Variants in DLG2 observed in about 807,000 individuals in gnomAD.
The protein encoded by DLG2 is disks large homolog 2.
DLG2 carries 45 observed loss-of-function variants against 132.5 expected under a neutral mutation model. That is an observed-to-expected ratio of 0.34 (90% confidence interval 0.27 to 0.44). The LOEUF is 0.44. Among genes scored for constraint, DLG2 ranks in the 20% least tolerant of loss-of-function variants. DLG2 has a pLI of 1.00. For missense variants in DLG2, 1,045 were observed against 1,196.9 expected (o/e 0.87, Z 1.87); for synonymous variants, 424 against 419.6 (o/e 1.01, Z -0.13).
chr11:84,016,321 T>C (rs1196130638), intron 11 of DLG2, among the ~76,000 whole-genome samples: 1 of 152,284 alleles, frequency 6.6e-6, no homozygotes, highest in East Asian at 1.9e-4. Flanking sequence ...TCTCCTATTC[T>C]GTAGGTTGTC....
chr11:85,036,576 T>C (rs145719322), intron 6 of DLG2, among the ~76,000 whole-genome samples: 3 of 152,342 alleles, frequency 2.0e-5, no homozygotes, highest in Non-Finnish European at 2.9e-5. Context: ...TCATATAGCA[T>C]AAACAGAGAA....
intron 5 of DLG2, among the ~76,000 whole-genome samples, chr11:85,141,886 C>T (rs2076506222): frequency 6.6e-6 from 1 of 151,538 alleles, no homozygotes. Context: ...TTTATTTTTG[C>T]ATTCTCTATT....
chr11:84,278,931 A>T (rs2154369091), intron 7 of DLG2, among the ~76,000 whole-genome samples: 1 of 152,264 alleles, frequency 6.6e-6, no homozygotes, highest in South Asian at 2.1e-4. Flanking sequence ...CGTCACAAAA[A>T]CACCAAAAGT....
chr11:84,050,894 A>G (rs1449721063), intron 11 of DLG2, among the ~76,000 whole-genome samples: 2 of 152,000 alleles, frequency 1.3e-5, no homozygotes, highest in African/African-American at 4.8e-5. Flanking sequence ...TTTTGGTACC[A>G]GTACCATGCT....
At chr11:84,278,054 T>G (rs922095774) in intron 7 of DLG2, among the ~76,000 whole-genome samples, 10 of 146,946 alleles carry the variant, frequency 6.8e-5, no homozygotes, top group Non-Finnish European at 1.2e-4. Flanking sequence ...TAAGTTTTTT[T>G]TTTTTTTTTT....
At chr11:85,265,791 G>A (rs1205435088) in intron 4 of DLG2, among the ~76,000 whole-genome samples, 1 of 152,170 alleles carries the variant, frequency 6.6e-6, no homozygotes, top group Admixed American at 6.5e-5. Context: ...TCAGAGAGAG[G>A]CAACTTGACT....
At chr11:85,554,111 T>C (rs2076810224) in intron 3 of DLG2, among the ~76,000 whole-genome samples, 1 of 150,662 alleles carries the variant, frequency 6.6e-6, no homozygotes, top group Non-Finnish European at 1.5e-5. Context: ...AAGAAGTTTT[T>C]AAAAGGACAA....
chr11:84,843,010 G>T (rs1005876263), intron 6 of DLG2, among the ~76,000 whole-genome samples: 6 of 151,812 alleles, frequency 4.0e-5, no homozygotes, highest in Non-Finnish European at 5.9e-5. Flanking sequence ...TGTTCAATGG[G>T]TATAAAGTTT....
At chr11:84,603,697 A>T (rs1231267432) in intron 6 of DLG2, among the ~76,000 whole-genome samples, 1 of 151,938 alleles carries the variant, frequency 6.6e-6, no homozygotes, top group African/African-American at 2.4e-5. Context: ...CTATCTTCTT[A>T]GTTCTCACAA....
At chr11:83,662,818 A>G (rs1265451396) in intron 18 of DLG2, among the ~76,000 whole-genome samples, 2 of 152,182 alleles carry the variant, frequency 1.3e-5, no homozygotes, top group Non-Finnish European at 2.9e-5. Context: ...AACTTCTGTT[A>G]AGTTCCAGGA....
chr11:84,650,847 G>C (rs2099680685), intron 6 of DLG2, among the ~76,000 whole-genome samples: 1 of 88,234 alleles, frequency 1.1e-5, no homozygotes, highest in Non-Finnish European at 2.3e-5. Flanking sequence ...AAACTTTCCT[G>C]TATGTGTGTG....
chr11:85,169,294 T>A (rs1048297981), intron 4 of DLG2, among the ~76,000 whole-genome samples: 1 of 152,170 alleles, frequency 6.6e-6, no homozygotes, highest in African/African-American at 2.4e-5. Context: ...ACTGTGTCTA[T>A]AATATGCTAT....
intron 18 of DLG2, among the ~76,000 whole-genome samples, chr11:83,724,472 T>TGAGAGAGAGA (rs1384949474): frequency 1.1e-3 from 106 of 97,582 alleles, no homozygotes; most frequent in Middle Eastern, 6.2e-3. Context: ...TGTGTGTGTG[T>TGAGAGAGAGA]GTGTGAGAGA....
At chr11:84,095,308 T>A (rs758529179) in intron 10 of DLG2, among the ~76,000 whole-genome samples, 3 of 152,188 alleles carry the variant, frequency 2.0e-5, no homozygotes, top group African/African-American at 4.8e-5. Flanking sequence ...AGTTCGGTTA[T>A]CTCACCTCAG....
chr11:85,018,496 T>C (rs12797673), intron 6 of DLG2, among the ~76,000 whole-genome samples: 1 of 152,332 alleles, frequency 6.6e-6, no homozygotes, highest in East Asian at 1.9e-4. Context: ...TTCTACTCTG[T>C]ATCCCTATCA....
intron 4 of DLG2, among the ~76,000 whole-genome samples, chr11:85,209,305 G>A (rs1368350247): frequency 6.6e-6 from 1 of 151,894 alleles, no homozygotes; most frequent in African/African-American, 2.4e-5. Context: ...TAGATTTTTA[G>A]CAACCTGCCC....
chr11:84,998,148 C>T (rs554240653), intron 6 of DLG2, among the ~76,000 whole-genome samples: 1 of 151,490 alleles, frequency 6.6e-6, no homozygotes, highest in Non-Finnish European at 1.5e-5. Context: ...GTTTTTGCAC[C>T]AACCTAATAG....
intron 6 of DLG2, among the ~76,000 whole-genome samples, chr11:84,728,563 T>C (rs1396933879): frequency 6.6e-6 from 1 of 152,174 alleles, no homozygotes; most frequent in East Asian, 1.9e-4. Flanking sequence ...TTTTTTGTTA[T>C]GTCTCTGCCA....
chr11:84,392,880 TC>T (rs2154442227), intron 7 of DLG2, among the ~76,000 whole-genome samples: 1 of 152,318 alleles, frequency 6.6e-6, no homozygotes, highest in African/African-American at 2.4e-5. Flanking sequence ...CGGCTGGGCT[TC>T]TTTGTAATGA....
Sources: gnomAD v4.1 joint callset for allele counts (sites outside exome capture counted in the v4.1 genomes callset) on GRCh38, gnomAD v4.1.1 for gene constraint, MANE v1.5 for transcripts, NCBI Gene and HGNC (gene_info 2026-07-23, HGNC 2026-07-21) for gene names.